Variants in MRTFB observed in about 807,000 individuals in gnomAD.
The protein encoded by MRTFB is myocardin related transcription factor B.
MRTFB carries 29 observed loss-of-function variants against 104.2 expected under a neutral mutation model. The observed-to-expected ratio is 0.28, with a 90% confidence interval of 0.21 to 0.38. The LOEUF (loss-of-function observed/expected upper bound fraction) is 0.38, where lower values mean the gene tolerates loss of function less well. MRTFB is among the 10% of genes least tolerant of loss of function. The pLI is 1.00. For missense variants in MRTFB, 1,270 were observed against 1,341.6 expected (o/e 0.95, Z 0.83); for synonymous variants, 535 against 519.5 (o/e 1.03, Z -0.41).
chr16:14,072,805 A>G (rs562331630), intron 1 of MRTFB, among the ~76,000 whole-genome samples: 5 of 152,372 alleles, frequency 3.3e-5, no homozygotes, highest in African/African-American at 1.2e-4. Flanking sequence ...TGGCAAGACA[A>G]ATAACAGACT....
chr16:14,119,730 A>G (rs1318945250), intron 2 of MRTFB, among the ~76,000 whole-genome samples: 3 of 152,126 alleles, frequency 2.0e-5, no homozygotes. Flanking sequence ...TGATTATATC[A>G]TATTTAGTAT....
chr16:14,071,063 T>A (rs375209646), upstream of MRTFB, among the ~76,000 whole-genome samples: 4 of 152,148 alleles, frequency 2.6e-5, no homozygotes, highest in Non-Finnish European at 2.9e-5. Context: ...GCCCCGGACA[T>A]GCGCATGCGC....
chr16:14,214,961 A>G (rs2041353342), intron 6 of MRTFB: 1 of 152,208 alleles, frequency 6.6e-6, no homozygotes, highest in South Asian at 2.1e-4. Context: ...CCAGAACTCC[A>G]GTAGTAGGGT....
rs745470510 is a variant in MRTFB, at chr16:14,246,867, C to T, written c.1607C>T (p.Ser536Leu). 20 of 1,613,260 alleles carry T rather than the reference C, an allele frequency of 1.2e-5. No homozygotes were observed. Among genetic ancestry groups the T allele is most frequent in the Non-Finnish European group, 1.6e-5 (19 of 1,180,036 alleles). Residue 536 changes from serine to leucine, a missense_variant, in exon 12 of 17, where the codon TCA becomes TTA. Ser to Leu is a moderately radical substitution (Grantham distance 145, BLOSUM62 -2). Around this residue, in one of 3 missense-constraint regions of MRTFB, gnomAD observed 1,144 missense variants for 1,131.5 expected, o/e 1.01. Transcript: ENST00000571589. The stretch of plus-strand genomic sequence containing the variant: ...GAGATTATGACCATGATGTCGCCTT[C>T]ACAGTTCTTGAGTTCATCTCCTTTG... ...FTEIMTMMSP[S>L]QFLSSSPLRM...
chr16:14,239,285 A>G (rs1272594170), intron 9 of MRTFB, among the ~76,000 whole-genome samples: 3 of 152,252 alleles, frequency 2.0e-5, no homozygotes, highest in African/African-American at 4.8e-5. Flanking sequence ...TAATAGTCAC[A>G]TTCTATGAAT....
chr16:14,088,661 CAG>C (rs1314316178), intron 2 of MRTFB, among the ~76,000 whole-genome samples: 1 of 152,172 alleles, frequency 6.6e-6, no homozygotes, highest in East Asian at 1.9e-4. Flanking sequence ...TTCAATACAG[CAG>C]AGACTTGTTT....
At chr16:14,173,829 C>T (rs891057645) in intron 3 of MRTFB, among the ~76,000 whole-genome samples, 2 of 151,978 alleles carry the variant, frequency 1.3e-5, no homozygotes, top group East Asian at 1.9e-4. Context: ...TAATGGTTTA[C>T]GGATTTGAAT....
At chr16:14,212,320 A>G (rs377509861) in intron 4 of MRTFB, 34 bp from the exon 5 acceptor site, 9 of 1,603,870 alleles carry the variant, frequency 5.6e-6, no homozygotes, top group South Asian at 3.3e-5. Flanking sequence ...TATGAACTCT[A>G]TTTATACTGT....
chr16:14,179,805 GGT>G (rs1321220813), intron 3 of MRTFB, among the ~76,000 whole-genome samples: 2 of 152,158 alleles, frequency 1.3e-5, no homozygotes, highest in Non-Finnish European at 2.9e-5. Context: ...TAGTCAGCGT[GGT>G]CCATATGCTG....
intron 8 of MRTFB, among the ~76,000 whole-genome samples, chr16:14,229,615 C>T (rs1195300317): frequency 6.6e-6 from 1 of 152,226 alleles, no homozygotes; most frequent in Non-Finnish European, 1.5e-5. Flanking sequence ...GTGCAGACAT[C>T]TGAAACAGGA....
At chr16:14,133,485 T>A (rs755721319) in intron 2 of MRTFB, among the ~76,000 whole-genome samples, 6 of 152,228 alleles carry the variant, frequency 3.9e-5, no homozygotes, top group Non-Finnish European at 7.3e-5. Flanking sequence ...TTTTCATGTA[T>A]TTTAAACGTA....
chr16:14,036,841 G>T, the MRTFB span, among the ~76,000 whole-genome samples: 1 of 152,180 alleles, frequency 6.6e-6, no homozygotes, highest in South Asian at 2.1e-4. Context: ...GGCCCCCAGG[G>T]CCAGCCCCCA....
chr16:14,220,046 C>T (rs1406359985), intron 8 of MRTFB, among the ~76,000 whole-genome samples: 1 of 152,176 alleles, frequency 6.6e-6, no homozygotes, highest in African/African-American at 2.4e-5. Flanking sequence ...AGCTTGGACT[C>T]ATCAGTGGTA....
intron 2 of MRTFB, among the ~76,000 whole-genome samples, chr16:14,127,704 T>C (rs1420225040): frequency 6.7e-6 from 1 of 150,282 alleles, no homozygotes; most frequent in African/African-American, 2.4e-5. Context: ...GACCACTCCA[T>C]TGCACCGTCC....
At chr16:14,225,876 G>A (rs1221422017) in intron 8 of MRTFB, among the ~76,000 whole-genome samples, 1 of 152,160 alleles carries the variant, frequency 6.6e-6, no homozygotes, top group Non-Finnish European at 1.5e-5. Flanking sequence ...CGTGACCACT[G>A]GGGAAGTTTG....
In MRTFB at chr16:14,193,210, C is replaced by CAAAA. The variant is rs10616011; in HGVS notation, c.155-17007_155-17004dup. ...CCTGGGCAACAGTGAGACCCTGTCTCAAAAAAAAAAAAAAAAAAAAAAAAA... is the reference window on the plus strand; with the variant it reads ...CCTGGGCAACAGTGAGACCCTGTCTCAAAAAAAAAAAAAAAAAAAAAAAAAAAAA... On this transcript the variant is annotated intron_variant, in intron 3 of 16. Coordinates refer to ENST00000571589, the MANE Select transcript of MRTFB (RefSeq NM_001308142.2). Among the ~76,000 whole-genome samples the CAAAA allele has an allele frequency of 2.3e-3, 129 of 56,452 alleles. 3 individuals carry two copies. The highest frequency in any genetic ancestry group is 3.4e-3 in the Non-Finnish European group (109 of 32,488). The allele number at this position is 56,452 out of a possible 152,430, so 37.0% of individuals were successfully genotyped here.
intron 2 of MRTFB, among the ~76,000 whole-genome samples, chr16:14,116,014 A>G (rs2036524216): frequency 1.3e-5 from 2 of 152,174 alleles, no homozygotes; most frequent in Admixed American, 6.5e-5. Context: ...TTGGCCTAAA[A>G]CAAGTTTGGT....
At chr16:14,198,438 G>A (rs993150154) in intron 3 of MRTFB, among the ~76,000 whole-genome samples, 1 of 152,186 alleles carries the variant, frequency 6.6e-6, no homozygotes, top group Non-Finnish European at 1.5e-5. Context: ...ACTGCTAAAT[G>A]TTCTAATTTT....
At chr16:14,001,943 T>C in the MRTFB span, among the ~76,000 whole-genome samples, 3 of 152,200 alleles carry the variant, frequency 2.0e-5, no homozygotes, top group Non-Finnish European at 4.4e-5. Context: ...TATTTGTCTT[T>C]CCTCTAAAAA....
Sources: allele counts gnomAD v4.1 joint callset (sites outside exome capture counted in the v4.1 genomes callset), GRCh38; gene constraint gnomAD v4.1.1; regional missense constraint gnomAD v4.1.1; transcripts MANE v1.5; gene names NCBI Gene and HGNC (gene_info 2026-07-23, HGNC 2026-07-21).